CELF2: variants seen among roughly 807,000 people sequenced by gnomAD.
CELF2 encodes CUG triplet repeat RNA-binding protein 2.
A neutral mutation model predicts 62.6 loss-of-function variants in CELF2; 8 were observed. That is an observed-to-expected ratio of 0.13 (90% CI 0.07 to 0.23). CELF2 has a LOEUF of 0.23. Among genes scored for constraint, CELF2 ranks in the 10% least tolerant of loss-of-function variants. The pLI, the probability that CELF2 is intolerant of heterozygous loss-of-function variation, is 1.00. For synonymous variants in CELF2, 258 were observed against 250.0 expected, an observed-to-expected ratio of 1.03 and a Z score of -0.30; for missense variants, 333 against 671.0, an observed-to-expected ratio of 0.50 and a Z score of 5.56.
intron 1 of CELF2, among the ~76,000 whole-genome samples, chr10:10,919,059 T>C (rs1455070707): frequency 6.6e-6 from 1 of 152,014 alleles, no homozygotes; most frequent in African/African-American, 2.4e-5. Flanking sequence ...TCACTTGAGG[T>C]CAGGAGGTCG....
chr10:11,172,536 C>T (rs1232441401), intron 2 of CELF2, among the ~76,000 whole-genome samples: 1 of 152,172 alleles, frequency 6.6e-6, no homozygotes, highest in Non-Finnish European at 1.5e-5. Flanking sequence ...GAAGGAATCC[C>T]TTTAAATGCC....
chr10:11,002,065 T>A (rs959376831), upstream of CELF2, among the ~76,000 whole-genome samples: 5 of 152,204 alleles, frequency 3.3e-5, no homozygotes, highest in Admixed American at 6.5e-5. This position sits in a 1 kb window ranked among gnomAD's most constrained non-coding sequence, Gnocchi z 4.4. Context: ...TACCTGAGAC[T>A]GGGTAATTTA....
At chr10:10,698,480 C>A in the CELF2 span, among the ~76,000 whole-genome samples, 2 of 152,196 alleles carry the variant, frequency 1.3e-5, no homozygotes, top group Non-Finnish European at 2.9e-5. Flanking sequence ...ATGTAACATT[C>A]TTTTCTTTGC....
At position 11,191,815 on chromosome 10, in the gene CELF2, C is replaced by G. The variant is rs2076345800; in HGVS notation, c.272-25610C>G. Among the ~76,000 whole-genome samples, 1 of 152,140 alleles carries G rather than the reference C, an allele frequency of 6.6e-6. No individual in the cohort carries two copies. The highest frequency in any genetic ancestry group is 6.5e-5 in the Admixed American group (1 of 15,280). ...ATCTGAGTGTGGAGAAACGGATCCCCAGTGAAGGAGGAGGGAGGGGCCGTG... is the reference window on the plus strand; with the variant it reads ...ATCTGAGTGTGGAGAAACGGATCCCGAGTGAAGGAGGAGGGAGGGGCCGTG... On this transcript the variant is annotated intron_variant, in intron 2 of 12. Coordinates refer to ENST00000633077, the MANE Select transcript of CELF2 (RefSeq NM_001326342.2). The surrounding 1 kb of genome is among the most constrained non-coding windows in gnomAD (Gnocchi z 4.1).
At chr10:11,259,025 C>T (rs910499643) in intron 5 of CELF2, among the ~76,000 whole-genome samples, 1 of 152,230 alleles carries the variant, frequency 6.6e-6, no homozygotes, top group Non-Finnish European at 1.5e-5. Context: ...TTCTTAGCAA[C>T]ATGGAGAGGT....
At chr10:10,684,042 T>A in the CELF2 span, among the ~76,000 whole-genome samples, 1 of 152,206 alleles carries the variant, frequency 6.6e-6, no homozygotes, top group African/African-American at 2.4e-5. Flanking sequence ...TCTGTACCTT[T>A]AGTTATGATT....
chr10:11,042,705 C>G (rs910660422), intron 1 of CELF2, among the ~76,000 whole-genome samples: 3 of 152,212 alleles, frequency 2.0e-5, no homozygotes, highest in African/African-American at 4.8e-5. Context: ...CCCAATTTCC[C>G]TTAGCCCCAG....
the CELF2 span, among the ~76,000 whole-genome samples, chr10:10,678,145 G>T: frequency 9.8e-3 from 1,482 of 151,980 alleles, 86 homozygotes; most frequent in Admixed American, 0.081. Context: ...TCTCTTTATT[G>T]CCTGTAAAAT....
In CELF2 at chr10:11,156,018, G is replaced by C. The variant is rs558203822; in HGVS notation, c.75-9468G>C. 3.3e-5 allele frequency among the ~76,000 whole-genome samples: 5 copies of C among 152,220 alleles called. No homozygotes were observed. The highest frequency in any genetic ancestry group is 5.9e-5 in the Non-Finnish European group (4 of 68,038). ...AGCATTTAACAGAAAAGTAGGTGGA[G>C]TTCTGAATGCCGGGCAAGCACAAAG... On this transcript the variant is annotated intron_variant, in intron 1 of 12. Transcript: ENST00000633077. The surrounding 1 kb of genome is among the most constrained non-coding windows in gnomAD (Gnocchi z 4.3).
In CELF2 at chr10:11,284,071, G is replaced by A. The variant is rs1388848891; in HGVS notation, c.842-4347G>A. ...TGGATGAGGGATGAGTGTGTGGTGG[G>A]TGGATGATGGATGGAGGAGTGGGTG... On this transcript the variant is annotated intron_variant, in intron 8 of 12. Coordinates refer to ENST00000633077, the MANE Select transcript of CELF2 (RefSeq NM_001326342.2). 4.1e-4 allele frequency among the ~76,000 whole-genome samples: 61 copies of A among 149,780 alleles called. 1 individual carries two copies. The highest frequency in any genetic ancestry group is 6.7e-4 in the Non-Finnish European group (45 of 67,464).
intron 1 of CELF2, among the ~76,000 whole-genome samples, chr10:10,831,349 A>G (rs551256681): frequency 1.3e-5 from 2 of 152,332 alleles, no homozygotes; most frequent in East Asian, 3.9e-4. Flanking sequence ...CACTTCTGGA[A>G]CAAGGTTTCC....
At chr10:11,266,720 G>C (rs990381324) in intron 6 of CELF2, 43 bp downstream of exon 6, 14 of 1,504,120 alleles carry the variant, frequency 9.3e-6, no homozygotes, top group East Asian at 2.3e-5. Context: ...TTGTGCAAAT[G>C]ATGGGGAATG....
the CELF2 span, among the ~76,000 whole-genome samples, chr10:10,697,757 C>T: frequency 6.6e-6 from 1 of 152,102 alleles, no homozygotes; most frequent in Non-Finnish European, 1.5e-5. Flanking sequence ...AGGCCGCACC[C>T]CCCCAATACC....
At position 10,899,221 on chromosome 10, in the gene CELF2, T is replaced by C. The variant is rs554913888; in HGVS notation, c.54-20743T>C. On this transcript the variant is annotated intron_variant, in intron 1 of 13. Coordinates refer to the CELF2 transcript ENST00000636488. ...CACAAAATAAGTGAAAGAAAGGATATAGTGAAAGTCAAAGTGGAACAGAAA... is the reference window on the plus strand; with the variant it reads ...CACAAAATAAGTGAAAGAAAGGATACAGTGAAAGTCAAAGTGGAACAGAAA... Among the ~76,000 whole-genome samples the C allele has an allele frequency of 2.0e-5, 3 of 152,188 alleles. No individual in the cohort carries two copies. The South Asian group carries it at 6.2e-4, about 32-fold the overall frequency.
At chr10:10,711,522 G>T in the CELF2 span, among the ~76,000 whole-genome samples, 14 of 152,238 alleles carry the variant, frequency 9.2e-5, no homozygotes, top group South Asian at 2.9e-3. Context: ...GAGGTGACCT[G>T]GAGCAATTGC....
chr10:11,157,581 G>A lies in CELF2; in HGVS notation c.75-7905G>A, dbSNP rs1349740549. 6.6e-6 allele frequency among the ~76,000 whole-genome samples: 1 copy of A among 152,080 alleles called. No individual in the cohort carries two copies. Among genetic ancestry groups the A allele is most frequent in the Non-Finnish European group, 1.5e-5 (1 of 68,022 alleles). ...TTGGTTTTATGTTGTGTCCATGTCT[G>A]TCTCTTCTAATTGGCCATGAGCAGC... On this transcript the variant is annotated intron_variant, in intron 1 of 12. Coordinates refer to ENST00000633077, the MANE Select transcript of CELF2 (RefSeq NM_001326342.2). The surrounding 1 kb of genome is among the most constrained non-coding windows in gnomAD (Gnocchi z 4.9).
At chr10:10,484,429 G>C in the CELF2 span, among the ~76,000 whole-genome samples, 1 of 143,860 alleles carries the variant, frequency 7.0e-6, no homozygotes, top group African/African-American at 2.6e-5. Context: ...CGATTCTCCT[G>C]CCTCAGCCCC....
chr10:11,082,945 G>A (rs905204762), intron 1 of CELF2, among the ~76,000 whole-genome samples: 2 of 152,206 alleles, frequency 1.3e-5, no homozygotes, highest in Non-Finnish European at 2.9e-5. Context: ...ATGAGGTGAA[G>A]TTACTTTTTC....
At chr10:10,834,305 A>T (rs1415442538) in intron 1 of CELF2, among the ~76,000 whole-genome samples, 1 of 152,182 alleles carries the variant, frequency 6.6e-6, no homozygotes, top group Non-Finnish European at 1.5e-5. Context: ...ACTGGGGCCT[A>T]TCAGAGGGTG....
Sources: gnomAD v4.1 joint callset for allele counts (sites outside exome capture counted in the v4.1 genomes callset) on GRCh38, gnomAD v4.1.1 for gene constraint, Gnocchi (gnomAD v3.1) non-coding constraint, MANE v1.5 for transcripts, NCBI Gene and HGNC (gene_info 2026-07-23, HGNC 2026-07-21) for gene names.